Variants in RAB11FIP3 observed in about 807,000 individuals in gnomAD.
RAB11FIP3 encodes RAB11 family interacting protein 3, also known as rab11 family-interacting protein 3.
A neutral mutation model predicts 77.8 loss-of-function variants in RAB11FIP3; 17 were observed. That is an observed-to-expected ratio of 0.22 (90% CI 0.15 to 0.33). The LOEUF is 0.33. RAB11FIP3 is among the 10% of genes least tolerant of loss of function. RAB11FIP3 has a pLI of 1.00. For missense variants in RAB11FIP3, 1,005 were observed against 1,011.2 expected (o/e 0.99, Z 0.08); for synonymous variants, 437 against 448.2 (o/e 0.98, Z 0.31).
chr16:455,060 A>C (rs1030406320), intron 1 of RAB11FIP3, among the ~76,000 whole-genome samples: 4 of 148,192 alleles, frequency 2.7e-5, no homozygotes, highest in Admixed American at 6.7e-5. Context: ...AAAAAAAAAA[A>C]CAAAAAAACT....
rs897095046 is a variant in RAB11FIP3, at chr16:426,296, G to C, written c.290G>C (p.Arg97Pro). 4 of 1,262,102 alleles carry C rather than the reference G, an allele frequency of 3.2e-6. No homozygotes were observed. The East Asian group carries it at 1.3e-4, about 40-fold the overall frequency. The allele number at this position is 1,262,102 out of a possible 1,614,324, so 78.2% of individuals were successfully genotyped here. ...GCCCCGCCGCCGCGCTCCGGCCCGC[G>C]GGGGCAGCTTGCGAGCCCCGACGCC... is the stretch of plus-strand genomic sequence containing the variant. ...PSAPPPRSGP[R>P]GQLASPDAPG... is the part of the protein sequence containing the mutation. The change falls in exon 1 of 14, where the codon CGG becomes CCG. Residue 97 changes from arginine to proline, a missense_variant. This residue lies in a region of RAB11FIP3 where 466 missense variants were observed against 408.3 expected (regional missense o/e 1.14). Coordinates refer to ENST00000262305, the MANE Select transcript of RAB11FIP3 (RefSeq NM_014700.4). This position sits in a 1 kb window ranked among gnomAD's most constrained non-coding sequence, Gnocchi z 5.0.
chr16:519,035 A>T lies in RAB11FIP3; in HGVS notation c.1722+11A>T, dbSNP rs1473060370. 3 of 1,612,876 alleles carry T rather than the reference A, an allele frequency of 1.9e-6. No homozygotes were observed. The highest frequency in any genetic ancestry group is 2.5e-6 in the Non-Finnish European group (3 of 1,179,840). The stretch of plus-strand genomic sequence containing the variant: ...GAGCGTCTGGAGGAGGTGAGCTGCC[A>T]ACAGCCTGGAGCTGTGGCCAGTGGG... On this transcript the variant is annotated intron_variant, in intron 10 of 13. Coordinates refer to ENST00000262305, the MANE Select transcript of RAB11FIP3 (RefSeq NM_014700.4).
chr16:440,945 T>C (rs922675709), intron 1 of RAB11FIP3, among the ~76,000 whole-genome samples: 3 of 152,008 alleles, frequency 2.0e-5, no homozygotes, highest in African/African-American at 4.8e-5. Context: ...ATTTTTCTTT[T>C]TTTTTTTTTT....
chr16:511,233 C>G (rs2032141442), intron 9 of RAB11FIP3, among the ~76,000 whole-genome samples: 1 of 125,154 alleles, frequency 8.0e-6, no homozygotes, highest in Non-Finnish European at 1.6e-5. Context: ...AAACTGCAGG[C>G]CAGGCAGGAG....
chr16:459,402 A>G (rs867695388), intron 1 of RAB11FIP3, among the ~76,000 whole-genome samples: 8 of 146,272 alleles, frequency 5.5e-5, no homozygotes, highest in East Asian at 2.1e-4. Flanking sequence ...CTGGGATTAT[A>G]GGCGTGAACC....
chr16:426,337 C>G lies in RAB11FIP3; in HGVS notation c.331C>G (p.Arg111Gly), dbSNP rs2054941175. ...ASPDAPGPGP[R>G]SEAPLPELDP... ...CCCCGACGCCCCGGGCCCAGGGCCGCGCTCCGAAGCGCCGCTTCCAGAACT... is the reference window on the plus strand; with the variant it reads ...CCCCGACGCCCCGGGCCCAGGGCCGGGCTCCGAAGCGCCGCTTCCAGAACT... Residue 111 changes from arginine to glycine, a missense_variant, in exon 1 of 14, where the codon CGC (arginine) becomes GGC (glycine). By Grantham distance (125) the Arg-to-Gly change is moderately radical. This residue lies in a region of RAB11FIP3 where 466 missense variants were observed against 408.3 expected (regional missense o/e 1.14). Coordinates refer to ENST00000262305, the MANE Select transcript of RAB11FIP3 (RefSeq NM_014700.4). The surrounding 1 kb of genome is among the most constrained non-coding windows in gnomAD (Gnocchi z 5.0). 1.3e-6 allele frequency: 2 copies of G among 1,494,322 alleles called. No homozygotes were observed. The highest frequency in any genetic ancestry group is 5.7e-5 in the East Asian group (2 of 35,378). The allele number at this position is 1,494,322 out of a possible 1,614,324, so 92.6% of individuals were successfully genotyped here.
intron 5 of RAB11FIP3, among the ~76,000 whole-genome samples, chr16:494,436 C>T (rs552689609): frequency 6.6e-6 from 1 of 150,936 alleles, no homozygotes; most frequent in South Asian, 2.1e-4. Context: ...TCCTGGCTAA[C>T]ACGGTGAAAC....
intron 6 of RAB11FIP3, among the ~76,000 whole-genome samples, chr16:500,003 C>T (rs1468987604): frequency 2.0e-5 from 3 of 152,218 alleles, no homozygotes; most frequent in Non-Finnish European, 2.9e-5. Flanking sequence ...CAGCCCTTCG[C>T]GCTGAACTAT....
rs893763579 is a variant in RAB11FIP3, at chr16:514,369, C to T, written c.1640+3569C>T. ...TCAGTGCAAAGACACTGTCTCAGTC[C>T]GGGGTCCTCAGGAGCAGAGGATCTG... On this transcript the variant is annotated intron_variant, in intron 9 of 13. Coordinates refer to ENST00000262305, the MANE Select transcript of RAB11FIP3 (RefSeq NM_014700.4). The surrounding 1 kb of genome is among the most constrained non-coding windows in gnomAD (Gnocchi z 4.6). Among the ~76,000 whole-genome samples the T allele has an allele frequency of 5.9e-5, 9 of 152,156 alleles. No homozygotes were observed. The highest frequency in any genetic ancestry group is 2.0e-4 in the Admixed American group (3 of 15,288).
chr16:426,644 C>T lies in RAB11FIP3; in HGVS notation c.638C>T (p.Ala213Val). 2 of 1,583,378 alleles carry T rather than the reference C, an allele frequency of 1.3e-6. No individual in the cohort carries two copies. The highest frequency in any genetic ancestry group is 1.7e-6 in the Non-Finnish European group (2 of 1,166,068). Reference sequence around the variant, plus strand: ...CCCCGCCTCCGAGCCGTGTTCGATGCCCTGGACGGGGATGGGGACGGTTTC... The same window carrying T: ...CCCCGCCTCCGAGCCGTGTTCGATGTCCTGGACGGGGATGGGGACGGTTTC... ...DGPRLRAVFDALDGDGDGFVR... is the reference protein window; with the variant it reads ...DGPRLRAVFDVLDGDGDGFVR... Residue 213 changes from alanine (A) to valine (V), a missense_variant, in exon 1 of 14, where the codon GCC (alanine) becomes GTC (valine). Physicochemically the swap from Ala to Val is moderately conservative, Grantham distance 64 (BLOSUM62 0). Coordinates refer to ENST00000262305, the MANE Select transcript of RAB11FIP3 (RefSeq NM_014700.4). This position sits in a 1 kb window ranked among gnomAD's most constrained non-coding sequence, Gnocchi z 5.0.
intron 1 of RAB11FIP3, among the ~76,000 whole-genome samples, chr16:438,595 A>G (rs944669553): frequency 2.0e-5 from 3 of 150,192 alleles, no homozygotes; most frequent in Non-Finnish European, 3.0e-5. Context: ...CATATTGGCC[A>G]GGCTGGTCTG....
chr16:485,229 A>G (rs919840551), intron 4 of RAB11FIP3, among the ~76,000 whole-genome samples: 1 of 151,954 alleles, frequency 6.6e-6, no homozygotes, highest in African/African-American at 2.4e-5. Flanking sequence ...CAGTGAAACA[A>G]TTTTCAGAAA....
At chr16:457,112 C>T (rs1319576677) in intron 1 of RAB11FIP3, among the ~76,000 whole-genome samples, 2 of 152,078 alleles carry the variant, frequency 1.3e-5, no homozygotes, top group Non-Finnish European at 2.9e-5. Context: ...ATGATAGTAA[C>T]AACAAGATGC....
chr16:431,980 A>C (rs1173989883), intron 1 of RAB11FIP3, among the ~76,000 whole-genome samples: 1 of 151,748 alleles, frequency 6.6e-6, no homozygotes, highest in African/African-American at 2.4e-5. Flanking sequence ...TATGGTCTTG[A>C]TCTCCTGACC....
rs1488411548 is a variant in RAB11FIP3, at chr16:507,765, C to A, written c.1499+2138C>A. Among the ~76,000 whole-genome samples, 4 of 152,242 alleles carry A rather than the reference C, an allele frequency of 2.6e-5. No homozygotes were observed. Among genetic ancestry groups the A allele is most frequent in the African/African-American group, 9.6e-5 (4 of 41,462 alleles). On this transcript the variant is annotated intron_variant, in intron 8 of 13. Transcript: ENST00000262305. The surrounding 1 kb of genome is among the most constrained non-coding windows in gnomAD (Gnocchi z 4.6). ...CGTTTCCCGTTTTCAGTATCATCTG[C>A]CCGTTCTGAGCCATTTGCTCTCTAG...
intron 3 of RAB11FIP3, chr16:477,732 T>C (rs1380331377): frequency 3.2e-6 from 3 of 938,796 alleles, no homozygotes; most frequent in Non-Finnish European, 3.8e-6. Flanking sequence ...TCTTGAGGAA[T>C]GACTTAGTTT....
At chr16:441,204 A>G (rs2055220772) in intron 1 of RAB11FIP3, among the ~76,000 whole-genome samples, 1 of 152,140 alleles carries the variant, frequency 6.6e-6, no homozygotes, top group South Asian at 2.1e-4. Flanking sequence ...AGCCTCGCAG[A>G]GTGCTGGGAT....
rs1037734829 is a variant in RAB11FIP3, at chr16:461,121, A to G, written c.715-283A>G. On this transcript the variant is annotated intron_variant, in intron 1 of 13. Transcript: ENST00000262305. This position sits in a 1 kb window ranked among gnomAD's most constrained non-coding sequence, Gnocchi z 4.5. Reference sequence around the variant, plus strand: ...GGCAGGGCGTTGGGGTGGTTTCAGGATGATACTGTTCAGATCATCCGGCGT... The same window carrying G: ...GGCAGGGCGTTGGGGTGGTTTCAGGGTGATACTGTTCAGATCATCCGGCGT... Among the ~76,000 whole-genome samples the G allele has an allele frequency of 2.0e-5, 3 of 152,146 alleles. No individual in the cohort carries two copies. The highest frequency in any genetic ancestry group is 7.2e-5 in the African/African-American group (3 of 41,432).
At position 471,211 on chromosome 16, in the gene RAB11FIP3, T is replaced by G. The variant is rs1039717304; in HGVS notation, c.809-84T>G. The G allele has an allele frequency of 3.3e-6, 4 of 1,210,356 alleles. No individual in the cohort carries two copies. The highest frequency in any genetic ancestry group is 4.8e-6 in the Non-Finnish European group (4 of 830,618). 75.0% of individuals were successfully genotyped at this position (1,210,356 alleles called of 1,614,324 possible). A position where few individuals can be genotyped will look rare whatever the true frequency, so the allele number is the denominator to read the frequency against. The stretch of plus-strand genomic sequence containing the variant: ...ACACATCTGTCCCTGGGGGCCTCCT[T>G]CCCAGGGAGTCCCGAGGCCGCCAGG... On this transcript the variant is annotated intron_variant, in intron 2 of 13. Coordinates refer to ENST00000262305, the MANE Select transcript of RAB11FIP3 (RefSeq NM_014700.4). The surrounding 1 kb of genome is among the most constrained non-coding windows in gnomAD (Gnocchi z 4.4).
Sources: gnomAD v4.1 joint callset for allele counts (sites outside exome capture counted in the v4.1 genomes callset) on GRCh38, gnomAD v4.1.1 for gene constraint, gnomAD v4.1.1 regional missense constraint, Gnocchi (gnomAD v3.1) non-coding constraint, MANE v1.5 for transcripts, NCBI Gene and HGNC (gene_info 2026-07-23, HGNC 2026-07-21) for gene names.